The following SNX10 variants were observed in gnomAD, a reference collection of about 807,000 sequenced individuals.
The protein encoded by SNX10 is sorting nexin 10, also known as sorting nexin-10.
Under a neutral mutation model 28.5 loss-of-function variants are expected in SNX10, and 25 were observed. That is an observed-to-expected ratio of 0.88 (90% CI 0.64 to 1.22). The LOEUF is 1.22. SNX10 is among the 50% of genes most tolerant of loss of function. The probability of loss-of-function intolerance (pLI) is 0.00; values close to 1 mark genes in which losing one functional copy is unlikely to be tolerated. For missense variants in SNX10, 223 were observed against 242.6 expected (o/e 0.92, Z 0.54); for synonymous variants, 62 against 81.4 (o/e 0.76, Z 1.28).
In SNX10 at chr7:26,353,577, G is replaced by A. The variant is rs868658572; in HGVS notation, c.24+7111G>A. ...CGCAATTCTCCTGCCTCAGCCTCCC[G>A]AGTAGCTGGGATTACAAGTGTGTGC... On this transcript the variant is annotated intron_variant, in intron 2 of 6. Transcript: ENST00000338523. Among the ~76,000 whole-genome samples the A allele has an allele frequency of 2.7e-5, 4 of 149,648 alleles. No homozygotes were observed. In the South Asian group the frequency reaches 6.4e-4, roughly 24 times the overall value.
chr7:26,347,905 A>G (rs17153471), intron 2 of SNX10, among the ~76,000 whole-genome samples: 56,159 of 151,882 alleles, frequency 0.37, 10,956 homozygotes, highest in South Asian at 0.61. Context: ...AGTAAAATGC[A>G]TAAAGTGTTC....
intron 5 of SNX10, among the ~76,000 whole-genome samples, chr7:26,371,405 G>C (rs1789527215): frequency 6.6e-6 from 1 of 152,122 alleles, no homozygotes; most frequent in South Asian, 2.1e-4. Flanking sequence ...AATAGTAGTT[G>C]AAAGTTTTGA....
chr7:26,299,028 A>G (rs1786217962), intron 1 of SNX10, among the ~76,000 whole-genome samples: 1 of 152,200 alleles, frequency 6.6e-6, no homozygotes, highest in Non-Finnish European at 1.5e-5. Context: ...ACACAATTCA[A>G]CCTATACTGT....
chr7:26,351,902 C>T (rs1369284012), intron 2 of SNX10, among the ~76,000 whole-genome samples: 3 of 151,872 alleles, frequency 2.0e-5, no homozygotes, highest in Non-Finnish European at 4.4e-5. Context: ...GTGATCCGCC[C>T]GCCTCGGCCT....
At chr7:26,339,067 T>C (rs1420590393) in intron 1 of SNX10, among the ~76,000 whole-genome samples, 2 of 152,372 alleles carry the variant, frequency 1.3e-5, no homozygotes, top group African/African-American at 4.8e-5. Context: ...AAAGGCAGAC[T>C]GGACCCCAGG....
intron 1 of SNX10, among the ~76,000 whole-genome samples, chr7:26,331,643 G>C (rs1263919279): frequency 6.6e-6 from 1 of 152,142 alleles, no homozygotes; most frequent in Admixed American, 6.6e-5. Context: ...ACTGGTGTTT[G>C]GTATATTCAC....
In SNX10 at chr7:26,313,234, T is replaced by A. The variant is rs142493996; in HGVS notation, c.-24+21148T>A. Among the ~76,000 whole-genome samples, 227 of 152,346 alleles carry A rather than the reference T, an allele frequency of 1.5e-3. 3 individuals carry two copies. Among genetic ancestry groups the A allele is most frequent in the African/African-American group, 5.3e-3 (219 of 41,572 alleles). ...TTTTTAAAAAAAGAACATTTTATTGTGATTAGAATACTCACCAGGAGACCT... is the reference window on the plus strand; with the variant it reads ...TTTTTAAAAAAAGAACATTTTATTGAGATTAGAATACTCACCAGGAGACCT... On this transcript the variant is annotated intron_variant, in intron 1 of 6. Transcript: ENST00000338523.
intron 2 of SNX10, among the ~76,000 whole-genome samples, chr7:26,357,788 T>TA (rs1423018232): frequency 1.3e-5 from 2 of 151,992 alleles, no homozygotes; most frequent in Non-Finnish European, 2.9e-5. Flanking sequence ...ACTGGGTTTC[T>TA]AGCTGGGGTT....
chr7:26,302,572 C>CG lies in SNX10; in HGVS notation c.-24+10489dup, dbSNP rs150729859. 2.7e-3 allele frequency among the ~76,000 whole-genome samples: 415 copies of CG among 152,296 alleles called. 7 individuals carry two copies. The East Asian group carries it at 0.041, about 15-fold the overall frequency. On this transcript the variant is annotated intron_variant, in intron 1 of 6. Coordinates refer to ENST00000338523, the MANE Select transcript of SNX10 (RefSeq NM_013322.3). ...TGGCCTACGTATTGCCCAGGACCCT[C>CG]GGGTAATACCTTACTCGTCTTGTGT...
At position 26,358,805 on chromosome 7, in the gene SNX10, G is replaced by GTTTTTTTTTTTTTTTT. The variant is rs35527687; in HGVS notation, c.25-2166_25-2151dup. Among the ~76,000 whole-genome samples, 343 of 100,082 alleles carry GTTTTTTTTTTTTTTTT rather than the reference G, an allele frequency of 3.4e-3. 48 individuals carry two copies. The highest frequency in any genetic ancestry group is 0.013 in the African/African-American group (304 of 22,668). The allele number at this position is 100,082 out of a possible 152,430, so 65.7% of individuals were successfully genotyped here. A position where few individuals can be genotyped will look rare whatever the true frequency, so the allele number is the denominator to read the frequency against. ...GAGCATCACTATAGTGTTATCTTGT[G>GTTTTTTTTTTTTTTTT]TTTTTTTTTTTTTTTTTTTGACCAA... On this transcript the variant is annotated intron_variant, in intron 2 of 6. Coordinates refer to ENST00000338523, the MANE Select transcript of SNX10 (RefSeq NM_013322.3).
At chr7:26,347,240 T>C (rs1473523645) in intron 2 of SNX10, among the ~76,000 whole-genome samples, 1 of 152,246 alleles carries the variant, frequency 6.6e-6, no homozygotes, top group East Asian at 1.9e-4. Flanking sequence ...GAAAGTCCTT[T>C]GCTAGCTCTC....
chr7:26,358,170 A>G (rs977340027), intron 2 of SNX10, among the ~76,000 whole-genome samples: 3 of 151,998 alleles, frequency 2.0e-5, no homozygotes, highest in African/African-American at 7.3e-5. Context: ...TAGTGCTGCA[A>G]TGAATTTTGA....
At chr7:26,355,014 A>T (rs1184268387) in intron 2 of SNX10, among the ~76,000 whole-genome samples, 1 of 151,742 alleles carries the variant, frequency 6.6e-6, no homozygotes, top group African/African-American at 2.4e-5. Context: ...ATTTTTGTAT[A>T]AGGTGCACGC....
At chr7:26,366,009 A>G (rs998168275) in intron 5 of SNX10, among the ~76,000 whole-genome samples, 20 of 152,208 alleles carry the variant, frequency 1.3e-4, no homozygotes, top group Non-Finnish European at 2.8e-4. Context: ...AGTGTGTGCT[A>G]TCTTCATGTT....
rs1333834293 is a variant in SNX10, at chr7:26,324,971, T to C, written c.-23-21449T>C. ...AAGCACTTAAATGTCTCCTGCCTTT[T>C]AAAGTGATAGGGATACCGTGGAGAC... On this transcript the variant is annotated intron_variant, in intron 1 of 6. Coordinates refer to ENST00000338523, the MANE Select transcript of SNX10 (RefSeq NM_013322.3). 3.3e-5 allele frequency among the ~76,000 whole-genome samples: 5 copies of C among 152,086 alleles called. No homozygotes were observed. The East Asian group carries it at 9.6e-4, about 29-fold the overall frequency.
In SNX10 at chr7:26,309,006, A is replaced by T. The variant is rs944027758; in HGVS notation, c.-24+16920A>T. ...TCGATTGTCTTTGAGTAAGAGAATT[A>T]AAAAAAATGCTTTGAGTTTGAGTTT... On this transcript the variant is annotated intron_variant, in intron 1 of 6. Coordinates refer to ENST00000338523, the MANE Select transcript of SNX10 (RefSeq NM_013322.3). Among the ~76,000 whole-genome samples the T allele has an allele frequency of 3.9e-5, 6 of 152,114 alleles. 1 individual carries two copies. The Middle Eastern group carries it at 0.01, about 259-fold the overall frequency.
intron 1 of SNX10, among the ~76,000 whole-genome samples, chr7:26,303,376 C>T (rs980346000): frequency 1.3e-5 from 2 of 152,214 alleles, no homozygotes; most frequent in South Asian, 2.1e-4. Flanking sequence ...AACTCCCCGT[C>T]GCTGTTTCTC....
chr7:26,325,304 A>ATATATATATATATATAT (rs1787456125), intron 1 of SNX10, among the ~76,000 whole-genome samples: 1 of 3,922 alleles, frequency 2.5e-4, no homozygotes, highest in Non-Finnish European at 7.0e-4. Flanking sequence ...TGAAGTTTGC[A>ATATATATATATATATAT]AAATATATAT....
chr7:26,359,806 C>T (rs183141580), intron 2 of SNX10, among the ~76,000 whole-genome samples: 49 of 152,078 alleles, frequency 3.2e-4, no homozygotes, highest in African/African-American at 1.0e-3. Context: ...TACAGGCACA[C>T]GCCACCACGC....
Sources: allele counts gnomAD v4.1 joint callset (sites outside exome capture counted in the v4.1 genomes callset), GRCh38; gene constraint gnomAD v4.1.1; transcripts MANE v1.5; gene names NCBI Gene and HGNC (gene_info 2026-07-23, HGNC 2026-07-21).